Variants in PCDH15 observed in about 807,000 individuals in gnomAD.
The protein encoded by PCDH15 is protocadherin related 15, also known as protocadherin-15.
In PCDH15, 129 loss-of-function variants were observed where a neutral mutation model predicts 178.5. The observed-to-expected ratio is 0.72, with a 90% CI of 0.63 to 0.84. The LOEUF (loss-of-function observed/expected upper bound fraction) is 0.84. PCDH15 is among the 40% of genes least tolerant of loss of function. PCDH15 has a pLI of 0.00. For missense variants in PCDH15, 2,230 were observed against 2,099.9 expected (o/e 1.06, Z -1.21); for synonymous variants, 800 against 732.0 (o/e 1.09, Z -1.50).
intron 2 of PCDH15, among the ~76,000 whole-genome samples, chr10:55,356,513 C>G (rs1262773338): frequency 6.6e-6 from 1 of 151,622 alleles, no homozygotes; most frequent in African/African-American, 2.4e-5. Context: ...CAGCCTGAAT[C>G]AGAGGGATGA....
chr10:54,969,122 T>G (rs1312220451), intron 2 of PCDH15, among the ~76,000 whole-genome samples: 1 of 152,110 alleles, frequency 6.6e-6, no homozygotes, highest in Non-Finnish European at 1.5e-5. Context: ...ATTTCTTGCT[T>G]TTTAAAATAC....
intron 2 of PCDH15, among the ~76,000 whole-genome samples, chr10:55,032,576 A>AAAGG: frequency 6.6e-6 from 1 of 152,348 alleles, no homozygotes; most frequent in Non-Finnish European, 1.5e-5. Flanking sequence ...GTTAAAATCA[A>AAAGG]AAGGAAAGCA....
At chr10:54,386,901 A>G (rs1349807630) in intron 3 of PCDH15, among the ~76,000 whole-genome samples, 3 of 152,188 alleles carry the variant, frequency 2.0e-5, no homozygotes, top group African/African-American at 7.2e-5. Flanking sequence ...TCAGTTACAC[A>G]AAAGAAACAA....
At chr10:53,817,911 C>T (rs2076123959) in intron 34 of PCDH15, 84 bp downstream of exon 34, 1 of 397,878 alleles carries the variant, frequency 2.5e-6, no homozygotes, top group Non-Finnish European at 4.4e-6. Flanking sequence ...TAAACTAGTT[C>T]AAAAGAATGT....
At chr10:54,678,151 A>T (rs927216131) in intron 1 of PCDH15, among the ~76,000 whole-genome samples, 1 of 152,268 alleles carries the variant, frequency 6.6e-6, no homozygotes, top group African/African-American at 2.4e-5. Context: ...AACATATATA[A>T]ATATATGTAT....
chr10:55,427,322 C>A (rs1240512206), intron 2 of PCDH15, among the ~76,000 whole-genome samples: 1 of 152,044 alleles, frequency 6.6e-6, no homozygotes, highest in Non-Finnish European at 1.5e-5. Flanking sequence ...ATGTTGGATA[C>A]AAAGAACACA....
At chr10:55,118,979 C>A (rs989121020) in intron 2 of PCDH15, among the ~76,000 whole-genome samples, 3 of 152,130 alleles carry the variant, frequency 2.0e-5, no homozygotes, top group Non-Finnish European at 4.4e-5. Flanking sequence ...TGATGTCTTG[C>A]GGTTGCTTGA....
At chr10:54,449,645 T>C (rs1284134374) in intron 3 of PCDH15, among the ~76,000 whole-genome samples, 2 of 151,792 alleles carry the variant, frequency 1.3e-5, no homozygotes, top group African/African-American at 2.4e-5. Context: ...GTACAAACAT[T>C]TTTATTGTTG....
intron 2 of PCDH15, among the ~76,000 whole-genome samples, chr10:54,992,991 TAGC>T (rs10543311): frequency 0.34 from 51,913 of 151,698 alleles, 10,314 homozygotes; most frequent in African/African-American, 0.54. Context: ...GAAGTTGGAA[TAGC>T]AGAAACTCCA....
intron 2 of PCDH15, among the ~76,000 whole-genome samples, chr10:55,607,569 T>C (rs1356172475): frequency 1.4e-5 from 2 of 146,498 alleles, no homozygotes; most frequent in Admixed American, 6.8e-5. Flanking sequence ...TATGCAGCCA[T>C]AAAAATTGAT....
intron 36 of PCDH15, among the ~76,000 whole-genome samples, chr10:53,810,983 A>G (rs1235890817): frequency 1.3e-5 from 2 of 152,222 alleles, no homozygotes; most frequent in African/African-American, 2.4e-5. Flanking sequence ...AACACAAAAT[A>G]GATACTTTGG....
intron 3 of PCDH15, among the ~76,000 whole-genome samples, chr10:54,440,618 T>A: frequency 6.6e-6 from 1 of 152,080 alleles, no homozygotes; most frequent in Middle Eastern, 3.4e-3. Flanking sequence ...GAACCATACA[T>A]GTTTATTAGA....
chr10:55,353,669 G>A (rs1471812756), intron 2 of PCDH15, among the ~76,000 whole-genome samples: 2 of 151,914 alleles, frequency 1.3e-5, no homozygotes, highest in African/African-American at 4.8e-5. Flanking sequence ...TAAAGTTCAG[G>A]CAGATGCAAC....
At chr10:54,589,751 C>T (rs779945072) in intron 2 of PCDH15, among the ~76,000 whole-genome samples, 1 of 152,074 alleles carries the variant, frequency 6.6e-6, no homozygotes, top group Admixed American at 6.6e-5. Context: ...CAGGTGCCCA[C>T]CACACCCGGC....
intron 20 of PCDH15, among the ~76,000 whole-genome samples, chr10:54,000,037 A>G (rs1165085408): frequency 1.3e-5 from 2 of 152,160 alleles, no homozygotes; most frequent in African/African-American, 4.8e-5. Flanking sequence ...GGAAAAGAAC[A>G]GGAGTTTCTG....
chr10:53,973,297 G>T (rs967060518), intron 21 of PCDH15, among the ~76,000 whole-genome samples: 7 of 124,896 alleles, frequency 5.6e-5, no homozygotes, highest in Admixed American at 5.5e-4. Flanking sequence ...GTCATGGGGT[G>T]GGGGGAGGGG....
intron 3 of PCDH15, among the ~76,000 whole-genome samples, chr10:54,491,331 TA>T (rs71461245): frequency 1.5e-3 from 210 of 141,884 alleles, no homozygotes; most frequent in Middle Eastern, 3.7e-3. Context: ...AAAGAAAAGT[TA>T]AAAAAAAAAA....
intron 1 of PCDH15, among the ~76,000 whole-genome samples, chr10:55,299,918 G>A (rs66488656): frequency 4.6e-5 from 7 of 151,904 alleles, no homozygotes; most frequent in East Asian, 1.9e-4. Context: ...ACATGAATGC[G>A]GCATGTCACA....
At chr10:54,013,409 T>A (rs2092649660) in intron 20 of PCDH15, among the ~76,000 whole-genome samples, 1 of 152,130 alleles carries the variant, frequency 6.6e-6, no homozygotes, top group South Asian at 2.1e-4. Context: ...CAAATGGACA[T>A]AATAGACATC....
Sources: allele counts gnomAD v4.1 joint callset (sites outside exome capture counted in the v4.1 genomes callset), GRCh38; gene constraint gnomAD v4.1.1; transcripts MANE v1.5; gene names NCBI Gene and HGNC (gene_info 2026-07-23, HGNC 2026-07-21).